Variants in MAP4K5 observed in about 807,000 individuals in gnomAD.
MAP4K5 encodes the protein MAPK/ERK kinase kinase kinase 5.
Under a neutral mutation model 135.6 loss-of-function variants are expected in MAP4K5, and 82 were observed. That is an observed-to-expected ratio of 0.60 (90% CI 0.51 to 0.73). The LOEUF is 0.73. Among genes scored for constraint, MAP4K5 ranks in the 30% least tolerant of loss-of-function variants. The pLI is 0.00. For missense variants in MAP4K5, 907 were observed against 1,010.9 expected (o/e 0.90, Z 1.39); for synonymous variants, 347 against 335.0 (o/e 1.04, Z -0.39).
intron 26 of MAP4K5, among the ~76,000 whole-genome samples, chr14:50,435,366 CCTT>C (rs1056514277): frequency 6.6e-6 from 1 of 151,974 alleles, no homozygotes; most frequent in African/African-American, 2.4e-5. Context: ...CTCCCGTCCT[CCTT>C]CTTTCTTTTT....
At chr14:50,478,183 T>G (rs915438218) in intron 6 of MAP4K5, among the ~76,000 whole-genome samples, 1 of 152,192 alleles carries the variant, frequency 6.6e-6, no homozygotes, top group Non-Finnish European at 1.5e-5. Flanking sequence ...GCCCATTTTA[T>G]TGGCATAATA....
intron 28 of MAP4K5, among the ~76,000 whole-genome samples, chr14:50,431,827 C>A (rs2035977528): frequency 6.6e-6 from 1 of 152,190 alleles, no homozygotes. Context: ...GGAATCGCCA[C>A]ACTGACTTCC....
intron 3 of MAP4K5, among the ~76,000 whole-genome samples, chr14:50,504,017 G>C (rs2140014283): frequency 6.6e-6 from 1 of 152,058 alleles, no homozygotes; most frequent in Admixed American, 6.6e-5. Flanking sequence ...AAGATACTGG[G>C]ACATATCTGA....
intron 14 of MAP4K5, among the ~76,000 whole-genome samples, chr14:50,451,451 T>C (rs1240541719): frequency 2.0e-5 from 3 of 152,058 alleles, no homozygotes; most frequent in African/African-American, 7.2e-5. Flanking sequence ...AATATTAACC[T>C]ACAGATCTAA....
chr14:50,501,721 G>A (rs1595519675), intron 3 of MAP4K5, among the ~76,000 whole-genome samples: 1 of 152,068 alleles, frequency 6.6e-6, no homozygotes, highest in Admixed American at 6.6e-5. Flanking sequence ...AAGGTAAAAA[G>A]GGTATCAAAG....
At chr14:50,423,347 A>G (rs2035775130) in intron 31 of MAP4K5, among the ~76,000 whole-genome samples, 171 bp from the exon 32 acceptor site, 2 of 150,296 alleles carry the variant, frequency 1.3e-5, no homozygotes, top group African/African-American at 4.9e-5. Flanking sequence ...TTAGAAATGA[A>G]CCCACATTTA....
chr14:50,507,977 G>A (rs1221990816), intron 2 of MAP4K5, among the ~76,000 whole-genome samples: 1 of 152,130 alleles, frequency 6.6e-6, no homozygotes. Flanking sequence ...TATTGTGCGG[G>A]AGTTGAAGTC....
At chr14:50,557,125 A>G (rs868574213) in intron 1 of MAP4K5, among the ~76,000 whole-genome samples, 4 of 152,166 alleles carry the variant, frequency 2.6e-5, no homozygotes, top group Admixed American at 6.5e-5. Flanking sequence ...GAGGGTGCCA[A>G]TTTCTCCACA....
At chr14:50,455,227 T>TA (rs1234915306) in intron 14 of MAP4K5, among the ~76,000 whole-genome samples, 1 of 151,720 alleles carries the variant, frequency 6.6e-6, no homozygotes, top group African/African-American at 2.4e-5. Flanking sequence ...TTTTAAATAT[T>TA]AAAAAAAGAA....
chr14:50,466,196 G>GTGA (rs1228179060), intron 11 of MAP4K5, among the ~76,000 whole-genome samples: 2 of 151,900 alleles, frequency 1.3e-5, no homozygotes, highest in Non-Finnish European at 2.9e-5. Flanking sequence ...GGGCAACATA[G>GTGA]TGAGACCCTG....
chr14:50,445,312 T>C, intron 17 of MAP4K5, 118 bp from the exon 18 acceptor site: 4 of 813,294 alleles, frequency 4.9e-6, no homozygotes, highest in Non-Finnish European at 7.2e-6. Context: ...CTGGGCTAAG[T>C]GAGCAAAGTA....
intron 2 of MAP4K5, among the ~76,000 whole-genome samples, chr14:50,528,439 AGGCTT>A (rs1228308927): frequency 6.7e-6 from 1 of 148,974 alleles, no homozygotes; most frequent in Admixed American, 6.7e-5. Flanking sequence ...GGAAAAATCC[AGGCTT>A]GGTGGCTCAC....
chr14:50,478,150 A>C (rs1352452977), intron 6 of MAP4K5, among the ~76,000 whole-genome samples: 3 of 152,264 alleles, frequency 2.0e-5, no homozygotes, highest in African/African-American at 7.2e-5. Flanking sequence ...GAGCTTTGGT[A>C]GTTTGTATCT....
At chr14:50,443,626 T>A in intron 20 of MAP4K5, 103 bp downstream of exon 20, 1 of 902,844 alleles carries the variant, frequency 1.1e-6, no homozygotes, top group Non-Finnish European at 1.6e-6. Flanking sequence ...TTGTATTTTA[T>A]GATATCTTAA....
chr14:50,449,475 A>C (rs1169574154), intron 14 of MAP4K5: 1 of 152,134 alleles, frequency 6.6e-6, no homozygotes, highest in Non-Finnish European at 1.5e-5. Context: ...AAAGCCCCCC[A>C]AATTTTTTTA....
At chr14:50,433,016 T>C (rs2036008952) in intron 28 of MAP4K5, among the ~76,000 whole-genome samples, 1 of 152,104 alleles carries the variant, frequency 6.6e-6, no homozygotes, top group Non-Finnish European at 1.5e-5. Flanking sequence ...TTTGTATTTT[T>C]AGTACAGATG....
chr14:50,518,049 C>A (rs934468562), intron 2 of MAP4K5, among the ~76,000 whole-genome samples: 1 of 152,086 alleles, frequency 6.6e-6, no homozygotes, highest in Non-Finnish European at 1.5e-5. Flanking sequence ...AATATCTGTA[C>A]CTGCCCTGAG....
intron 9 of MAP4K5, among the ~76,000 whole-genome samples, chr14:50,474,050 G>A (rs367903226): frequency 6.6e-6 from 1 of 151,988 alleles, no homozygotes. Flanking sequence ...TCAGGTATGA[G>A]GTACGGAGCT....
intron 14 of MAP4K5, 70 bp from the exon 15 acceptor site, chr14:50,448,902 A>G: frequency 1.7e-6 from 1 of 575,082 alleles, no homozygotes; most frequent in African/African-American, 2.0e-5. Context: ...TGTAATGACA[A>G]GTTTGTATAT....
Sources: allele counts gnomAD v4.1 joint callset (sites outside exome capture counted in the v4.1 genomes callset), GRCh38; gene constraint gnomAD v4.1.1; transcripts MANE v1.5; gene names NCBI Gene and HGNC (gene_info 2026-07-23, HGNC 2026-07-21).